The following NUP210L variants were observed in gnomAD, a reference collection of about 807,000 sequenced individuals.
NUP210L encodes nuclear pore membrane glycoprotein 210-like.
NUP210L carries 74 observed loss-of-function variants against 208.5 expected under a neutral mutation model. The observed-to-expected ratio is 0.35, with a 90% CI of 0.29 to 0.43. NUP210L has a LOEUF of 0.43. Among genes scored for constraint, NUP210L ranks in the 20% least tolerant of loss-of-function variants. The pLI, the probability that NUP210L is intolerant of heterozygous loss-of-function variation, is 1.00. For synonymous variants in NUP210L, 780 were observed against 816.9 expected (o/e 0.95, Z 0.77); for missense variants, 1,843 against 2,289.4 (o/e 0.81, Z 3.98).
intron 17 of NUP210L, among the ~76,000 whole-genome samples, chr1:154,064,757 T>C (rs548030265): frequency 6.6e-6 from 1 of 152,180 alleles, no homozygotes; most frequent in African/African-American, 2.4e-5. Flanking sequence ...ATTAGGAAAA[T>C]AGTAGGCAGT....
intron 38 of NUP210L, among the ~76,000 whole-genome samples, chr1:153,993,615 A>C (rs1649620582): frequency 6.7e-6 from 1 of 148,968 alleles, no homozygotes. Flanking sequence ...GTGTTGTGTT[A>C]ATTTTTTTTT....
chr1:154,154,761 T>C, intron 1 of NUP210L, 81 bp downstream of exon 1: 1 of 1,142,950 alleles, frequency 8.7e-7, no homozygotes, highest in Non-Finnish European at 1.3e-6. Flanking sequence ...GGTATTCCTG[T>C]GGGATCTTAC....
chr1:154,046,040 G>T, intron 27 of NUP210L, 29 bp downstream of exon 27: 1 of 1,593,598 alleles, frequency 6.3e-7, no homozygotes, highest in Non-Finnish European at 8.5e-7. Context: ...AGATCCCTAA[G>T]ATAACACAAT....
At chr1:154,122,404 C>A (rs1261406337) in intron 10 of NUP210L, among the ~76,000 whole-genome samples, 1 of 152,166 alleles carries the variant, frequency 6.6e-6, no homozygotes, top group Admixed American at 6.5e-5. Flanking sequence ...CGCCTGTAAT[C>A]CCAGCACTTT....
At chr1:154,144,750 C>A (rs913784026) in intron 2 of NUP210L, among the ~76,000 whole-genome samples, 5 of 152,122 alleles carry the variant, frequency 3.3e-5, no homozygotes, top group Non-Finnish European at 7.4e-5. Context: ...CCCAAATTAC[C>A]AGTAAACATC....
chr1:154,031,899 AT>A (rs1197326976), intron 27 of NUP210L, among the ~76,000 whole-genome samples: 3,809 of 119,028 alleles, frequency 0.032, 167 homozygotes, highest in African/African-American at 0.089. Flanking sequence ...ATTAAAAAAA[AT>A]TTTTTTTTTT....
chr1:154,102,379 G>A (rs1258668865), intron 13 of NUP210L, among the ~76,000 whole-genome samples: 5 of 152,014 alleles, frequency 3.3e-5, no homozygotes, highest in Non-Finnish European at 5.9e-5. Context: ...TTCATGAAGC[G>A]CCATCTGATA....
intron 10 of NUP210L, 114 bp from the exon 11 acceptor site, chr1:154,118,922 T>A (rs1386316871): frequency 3.9e-6 from 2 of 518,372 alleles, no homozygotes; most frequent in African/African-American, 3.8e-5. Context: ...ACTCAACCAG[T>A]TTCTATCTAT....
At chr1:154,138,327 A>C in intron 5 of NUP210L, 89 bp from the exon 6 acceptor site, 1 of 1,206,716 alleles carries the variant, frequency 8.3e-7, no homozygotes, top group Non-Finnish European at 1.1e-6. Flanking sequence ...TACTTCTTTT[A>C]AACTTCTTTT....
chr1:154,054,972 C>A, intron 23 of NUP210L, 140 bp from the exon 24 acceptor site: 1 of 640,948 alleles, frequency 1.6e-6, no homozygotes, highest in East Asian at 2.7e-5. Context: ...ACGATCACAG[C>A]TCACTGCAGC....
chr1:154,029,809 T>C, intron 28 of NUP210L, 87 bp downstream of exon 28: 2 of 1,041,738 alleles, frequency 1.9e-6, no homozygotes, highest in South Asian at 2.9e-5. Context: ...TCTGTCTCTA[T>C]CCAGACTAAG....
intron 35 of NUP210L, among the ~76,000 whole-genome samples, chr1:154,004,631 C>A (rs1014019855): frequency 6.6e-6 from 1 of 151,724 alleles, no homozygotes; most frequent in African/African-American, 2.4e-5. Context: ...GCTGGGATTA[C>A]CATGCCCTGC....
At position 154,103,057 on chromosome 1, in the gene NUP210L, C is replaced by T. The variant is rs183256352; in HGVS notation, c.1819+955G>A. On this transcript the variant is annotated intron_variant, in intron 13 of 39. Coordinates refer to ENST00000368559, the Ensembl canonical transcript of NUP210L. ...CACCACTGCACTCCAGCCTGGGTGACACGGTGGTGAGACCCTGTCTCTAAT... is the reference window on the plus strand; with the variant it reads ...CACCACTGCACTCCAGCCTGGGTGATACGGTGGTGAGACCCTGTCTCTAAT... Among the ~76,000 whole-genome samples the T allele has an allele frequency of 5.9e-5, 9 of 151,478 alleles. 1 individual carries two copies. The East Asian group carries it at 1.8e-3, about 30-fold the overall frequency.
intron 16 of NUP210L, among the ~76,000 whole-genome samples, chr1:154,072,127 C>G (rs1228409961): frequency 6.6e-6 from 1 of 151,794 alleles, no homozygotes; most frequent in Non-Finnish European, 1.5e-5. Flanking sequence ...ACTTCTTTTC[C>G]TCTGGGTAGC....
chr1:154,144,998 C>G (rs1288003725), intron 2 of NUP210L, among the ~76,000 whole-genome samples: 3 of 152,008 alleles, frequency 2.0e-5, no homozygotes, highest in Non-Finnish European at 4.4e-5. Flanking sequence ...GTCCCAGCAA[C>G]TCAGGAGGCT....
chr1:154,041,234 G>T (rs1652859294), intron 27 of NUP210L, among the ~76,000 whole-genome samples: 1 of 152,002 alleles, frequency 6.6e-6, no homozygotes, highest in African/African-American at 2.4e-5. Flanking sequence ...CAAAATGCTG[G>T]GGTAACAGGC....
chr1:154,058,420 T>C, intron 21 of NUP210L, 145 bp downstream of exon 21: 1 of 1,092,014 alleles, frequency 9.2e-7, no homozygotes, highest in Non-Finnish European at 1.3e-6. Flanking sequence ...GTTGAAATGT[T>C]GTTCTTTAAG....
chr1:154,038,624 C>T (rs1201198567), intron 27 of NUP210L, among the ~76,000 whole-genome samples: 2 of 151,834 alleles, frequency 1.3e-5, no homozygotes, highest in Non-Finnish European at 1.5e-5. Flanking sequence ...GGGTTACAGG[C>T]GTAAGCCACC....
chr1:154,031,574 T>C (rs1397989048), intron 27 of NUP210L, among the ~76,000 whole-genome samples: 2 of 142,456 alleles, frequency 1.4e-5, no homozygotes, highest in Non-Finnish European at 3.1e-5. Flanking sequence ...TTCTACTCTG[T>C]CTCCATGAGT....
Sources: gnomAD v4.1 joint callset for allele counts (sites outside exome capture counted in the v4.1 genomes callset) on GRCh38, gnomAD v4.1.1 for gene constraint, MANE v1.5 for transcripts, NCBI Gene and HGNC (gene_info 2026-07-23, HGNC 2026-07-21) for gene names.